Variants in RUNX1T1 observed in about 807,000 individuals in gnomAD.
RUNX1T1 encodes RUNX1 partner transcriptional co-repressor 1, also known as protein CBFA2T1.
RUNX1T1 carries 4 observed loss-of-function variants against 62.8 expected under a neutral mutation model. The ratio of observed to expected loss-of-function variants is 0.06; its 90% confidence interval spans 0.03 to 0.15. RUNX1T1 has a LOEUF of 0.15. RUNX1T1 is among the 10% of genes least tolerant of loss of function. RUNX1T1 has a pLI of 1.00. For synonymous variants in RUNX1T1, 291 were observed against 286.0 expected (o/e 1.02, Z -0.18); for missense variants, 508 against 754.3 (o/e 0.67, Z 3.82).
intron 4 of RUNX1T1, among the ~76,000 whole-genome samples, chr8:92,007,201 C>T (rs991560283): frequency 1.3e-5 from 2 of 152,130 alleles, no homozygotes; most frequent in African/African-American, 2.4e-5. Flanking sequence ...GTGGCTTGCT[C>T]ACGCCTGTAA....
chr8:92,075,085 G>A (rs1834221229), intron 2 of RUNX1T1, among the ~76,000 whole-genome samples: 1 of 152,246 alleles, frequency 6.6e-6, no homozygotes, highest in Non-Finnish European at 1.5e-5. Flanking sequence ...GATGTTTCCA[G>A]AACAGTGGTC....
intron 4 of RUNX1T1, 107 bp downstream of exon 5, chr8:92,010,895 C>A: frequency 1.6e-6 from 1 of 640,758 alleles, no homozygotes; most frequent in South Asian, 2.1e-5. Context: ...AGTTTTCATC[C>A]ATTAAATTAA....
At chr8:92,071,714 T>C (rs1349520967) in intron 2 of RUNX1T1, among the ~76,000 whole-genome samples, 1 of 152,128 alleles carries the variant, frequency 6.6e-6, no homozygotes, top group East Asian at 1.9e-4. Flanking sequence ...TGAGAGATAC[T>C]GGGTTTTCAC....
chr8:92,073,271 T>C (rs1386658683), intron 2 of RUNX1T1, among the ~76,000 whole-genome samples: 1 of 152,098 alleles, frequency 6.6e-6, no homozygotes, highest in East Asian at 1.9e-4. Context: ...GTACCTTGGG[T>C]ATGCTTTAAA....
At chr8:92,014,646 T>A in exon 3 of RUNX1T1, 1 of 1,613,988 alleles carries the variant, frequency 6.2e-7, no homozygotes. Context: ...GCCAAACTGC[T>A]GCAGGGTAGT....
downstream of RUNX1T1, chr8:91,957,445 A>C (rs975591593): frequency 2.2e-5 from 5 of 231,402 alleles, no homozygotes; most frequent in East Asian, 2.5e-4. Context: ...GAGGAGAGGA[A>C]GAGGAGGAAG....
intron 1 of RUNX1T1, among the ~76,000 whole-genome samples, chr8:92,036,583 T>C (rs986221909): frequency 2.6e-5 from 4 of 152,194 alleles, no homozygotes; most frequent in Non-Finnish European, 5.9e-5. Context: ...ACAGCACCTT[T>C]GAATACCTTT....
chr8:92,095,259 G>A, intron 1 of RUNX1T1: 1 of 1,520,244 alleles, frequency 6.6e-7, no homozygotes, highest in Non-Finnish European at 8.8e-7. Context: ...GAGAGGGAGA[G>A]AGAAAAGCCG....
chr8:91,991,985 T>A, intron 5 of RUNX1T1, 96 bp from the exon 7 acceptor site: 1 of 1,338,738 alleles, frequency 7.5e-7, no homozygotes, highest in Non-Finnish European at 1.0e-6. Context: ...AAACAGAATA[T>A]TTTTTATTGG....
At chr8:92,018,715 T>C (rs1823501391) in intron 1 of RUNX1T1, among the ~76,000 whole-genome samples, 1 of 152,214 alleles carries the variant, frequency 6.6e-6, no homozygotes, top group African/African-American at 2.4e-5. Flanking sequence ...TTCAAAGCAA[T>C]TGCTTAACAC....
At chr8:92,055,432 G>A (rs1450300077) in intron 1 of RUNX1T1, among the ~76,000 whole-genome samples, 1 of 152,072 alleles carries the variant, frequency 6.6e-6, no homozygotes, top group Non-Finnish European at 1.5e-5. Flanking sequence ...GGCACTTCGC[G>A]TTTGTATTAA....
At chr8:92,010,218 A>C (rs1012977458) in intron 4 of RUNX1T1, 1 of 152,202 alleles carries the variant, frequency 6.6e-6, no homozygotes, top group African/African-American at 2.4e-5. Flanking sequence ...TTCAAAGGGG[A>C]GTGCAAATGA....
exon 11 of RUNX1T1, chr8:91,960,218 C>T: frequency 1.3e-6 from 2 of 1,598,474 alleles, no homozygotes. Context: ...TGTTGTCTTT[C>T]CTCCGACAGT....
intron 1 of RUNX1T1, among the ~76,000 whole-genome samples, chr8:92,088,538 A>G (rs1267225046): frequency 6.6e-6 from 1 of 152,218 alleles, no homozygotes; most frequent in Non-Finnish European, 1.5e-5. Context: ...TCCACAATAC[A>G]GCTGTGCTAT....
downstream of RUNX1T1, chr8:91,956,445 G>T: frequency 4.4e-6 from 1 of 228,382 alleles, no homozygotes; most frequent in Non-Finnish European, 8.7e-6. Flanking sequence ...CCTCAGGCTG[G>T]GGTCACTGGT....
chr8:91,971,407 G>A (rs1812798791), intron 9 of RUNX1T1, among the ~76,000 whole-genome samples: 1 of 152,132 alleles, frequency 6.6e-6, no homozygotes, highest in Non-Finnish European at 1.5e-5. Context: ...AGAAAAAAAA[G>A]AGAGGCCGAG....
chr8:92,033,050 G>A (rs902346122), intron 1 of RUNX1T1, among the ~76,000 whole-genome samples: 7 of 152,072 alleles, frequency 4.6e-5, no homozygotes, highest in African/African-American at 1.7e-4. Flanking sequence ...TAATTTTCCT[G>A]TAGGACAATT....
intron 2 of RUNX1T1, 74 bp downstream of exon 3, chr8:92,017,152 G>T: frequency 9.1e-7 from 1 of 1,104,090 alleles, no homozygotes; most frequent in Non-Finnish European, 1.3e-6. Context: ...ATTTTCCCTT[G>T]ATTTTTCATT....
intron 4 of RUNX1T1, chr8:92,009,642 C>A (rs1821553739): frequency 1.4e-5 from 2 of 147,656 alleles, no homozygotes; most frequent in East Asian, 4.0e-4. Flanking sequence ...GTGGTATTTG[C>A]ACAGGAAATG....
Sources: gnomAD v4.1 joint callset for allele counts (sites outside exome capture counted in the v4.1 genomes callset) on GRCh38, gnomAD v4.1.1 for gene constraint, MANE v1.5 for transcripts, NCBI Gene and HGNC (gene_info 2026-07-23, HGNC 2026-07-21) for gene names.